The following GNAL variants were observed in gnomAD, a reference collection of about 807,000 sequenced individuals.
The protein encoded by GNAL is G protein subunit alpha L, also known as guanine nucleotide-binding protein G(olf) subunit alpha.
In GNAL, 18 loss-of-function variants were observed where a neutral mutation model predicts 55.1. That is an observed-to-expected ratio of 0.33 (90% CI 0.23 to 0.48). The LOEUF is 0.48. Among genes scored for constraint, GNAL ranks in the 20% least tolerant of loss-of-function variants. GNAL has a pLI of 0.99. For missense variants in GNAL, 412 were observed against 614.1 expected (o/e 0.67, Z 3.48); for synonymous variants, 253 against 237.0 (o/e 1.07, Z -0.62).
chr18:11,865,490 C>T (rs538687121), intron 7 of GNAL, among the ~76,000 whole-genome samples: 3 of 148,812 alleles, frequency 2.0e-5, no homozygotes, highest in Non-Finnish European at 1.5e-5. Context: ...TGATTCACGC[C>T]TGTAATCTCA....
Position 11,689,525 on chromosome 18 carries a change from C to A in GNAL, c.-39C>A. On this transcript the variant is annotated 5_prime_UTR_variant, in exon 1 of 12. Transcript: ENST00000334049. ...CAGGCCGCCCTCGGCGCCCAGCCTG[C>A]CCTAGTCCCGCGCGCCGCCCCCGCT... 1.9e-6 allele frequency: 2 copies of A among 1,067,054 alleles called. No homozygotes were observed. The highest frequency in any genetic ancestry group is 3.8e-5 in the South Asian group (1 of 25,984). The allele number at this position is 1,067,054 out of a possible 1,614,324, so 66.1% of individuals were successfully genotyped here.
At chr18:11,729,636 G>C (rs1337350886) in intron 1 of GNAL, among the ~76,000 whole-genome samples, 3 of 152,062 alleles carry the variant, frequency 2.0e-5, no homozygotes, top group Admixed American at 2.0e-4. Flanking sequence ...TATATATTCT[G>C]TGCGAGCCAT....
intron 9 of GNAL, among the ~76,000 whole-genome samples, chr18:11,870,273 C>A (rs2036366350): frequency 6.6e-6 from 1 of 152,208 alleles, no homozygotes; most frequent in African/African-American, 2.4e-5. Context: ...GTAATCCCAG[C>A]ACTTTGGGAG....
chr18:11,809,396 T>C (rs2034751745), intron 4 of GNAL, among the ~76,000 whole-genome samples: 3 of 152,106 alleles, frequency 2.0e-5, no homozygotes. Flanking sequence ...ACTCTACAAA[T>C]ATTCTAGAGA....
At position 11,751,298 on chromosome 18, in the gene GNAL, G is replaced by A. The variant is rs189459941; in HGVS notation, c.377-1555G>A. ...CCCTATTGGAGGGGTCTCAGTAACG[G>A]AGGGCAGGTGCCAGTCTCGCGCCCT... is the stretch of plus-strand genomic sequence containing the variant. On this transcript the variant is annotated intron_variant, in intron 1 of 11. Transcript: ENST00000334049. The surrounding 1 kb of genome is among the most constrained non-coding windows in gnomAD (Gnocchi z 4.5). Among the ~76,000 whole-genome samples the A allele has an allele frequency of 2.1e-3, 321 of 152,276 alleles. No individual in the cohort carries two copies. Among genetic ancestry groups the A allele is most frequent in the Admixed American group, 5.4e-3 (83 of 15,288 alleles).
rs370796639 is a variant in GNAL, at chr18:11,868,562, C to T, written c.930C>T (p.Tyr310=). 5.6e-6 allele frequency: 9 copies of T among 1,610,172 alleles called. No individual in the cohort carries two copies. Among genetic ancestry groups the T allele is most frequent in the East Asian group, 2.2e-5 (1 of 44,708 alleles). The change falls in exon 9 of 12, where the codon TAC becomes TAT. Residue 310 remains tyrosine, a synonymous_variant. Coordinates refer to ENST00000334049, the MANE Select transcript of GNAL (RefSeq NM_182978.4). This position sits in a 1 kb window ranked among gnomAD's most constrained non-coding sequence, Gnocchi z 4.0. ...QCFNDVTAII[Y]VAACSSYNMV... ...ACCAAGATGTCACAGCTATCATTTA[C>T]GTCGCAGCCTGCAGTAGCTACAACA...
chr18:11,711,214 C>A (rs2031831181), intron 1 of GNAL, among the ~76,000 whole-genome samples: 1 of 152,176 alleles, frequency 6.6e-6, no homozygotes, highest in Non-Finnish European at 1.5e-5. Flanking sequence ...GTTCGTGATT[C>A]ATTGAGCTTC....
chr18:11,865,758 A>AG (rs1437048816), intron 7 of GNAL, among the ~76,000 whole-genome samples: 1 of 144,144 alleles, frequency 6.9e-6, no homozygotes, highest in African/African-American at 2.7e-5. Context: ...CTGTCTCTAA[A>AG]AAAAAAAAAA....
rs186095453 is a variant in GNAL at position 11,877,324 on chromosome 18, A to G, written c.1230+636A>G. Among the ~76,000 whole-genome samples the G allele has an allele frequency of 3.4e-3, 511 of 151,522 alleles. 1 individual carries two copies. The highest frequency in any genetic ancestry group is 6.8e-3 in the Middle Eastern group (2 of 294). On this transcript the variant is annotated intron_variant, in intron 11 of 11. Transcript: ENST00000334049. ...CAAAAAATTAGCTGGGTGTGGTGGC[A>G]TGCGCCTGTAATCCCAGCTACTCTG...
intron 7 of GNAL, among the ~76,000 whole-genome samples, chr18:11,866,913 G>A (rs1043679575): frequency 6.6e-6 from 1 of 152,042 alleles, no homozygotes; most frequent in Non-Finnish European, 1.5e-5. Flanking sequence ...AGACACTGCC[G>A]GCTGCTGTCT....
chr18:11,783,201 G>A (rs994825192), intron 4 of GNAL, among the ~76,000 whole-genome samples: 1 of 152,176 alleles, frequency 6.6e-6, no homozygotes, highest in Non-Finnish European at 1.5e-5. Flanking sequence ...TTCAACAGAA[G>A]TGAGTGTGAA....
chr18:11,808,490 T>C (rs958713895), intron 4 of GNAL, among the ~76,000 whole-genome samples: 2 of 152,252 alleles, frequency 1.3e-5, no homozygotes, highest in Non-Finnish European at 2.9e-5. Flanking sequence ...TCTGCCATGC[T>C]ACCCACCTGG....
intron 5 of GNAL, chr18:11,853,238 A>G (rs866230354): frequency 2.4e-5 from 4 of 167,154 alleles, no homozygotes; most frequent in African/African-American, 9.6e-5. Context: ...GTATACATCC[A>G]GCCAGCTGGA....
intron 4 of GNAL, among the ~76,000 whole-genome samples, chr18:11,821,871 G>A (rs1224698857): frequency 6.6e-6 from 1 of 152,222 alleles, no homozygotes; most frequent in East Asian, 1.9e-4. Context: ...AGGGCCTCCC[G>A]CCTCCCTGCA....
chr18:11,751,631 G>A lies in GNAL; in HGVS notation c.377-1222G>A. On this transcript the variant is annotated intron_variant, in intron 1 of 11. Transcript: ENST00000334049. The surrounding 1 kb of genome is among the most constrained non-coding windows in gnomAD (Gnocchi z 4.5). ...GCGCGCGCCCAGACGCACTTTCCCG[G>A]CTCGGGGTGCAAGAGAGCCAGGCGG... is the stretch of plus-strand genomic sequence containing the variant. The A allele has an allele frequency of 3.0e-6, 3 of 985,446 alleles. No individual in the cohort carries two copies. Among genetic ancestry groups the A allele is most frequent in the Non-Finnish European group, 3.6e-6 (3 of 829,984 alleles). The allele number at this position is 985,446 out of a possible 1,614,324, so 61.0% of individuals were successfully genotyped here. A position where few individuals can be genotyped will look rare whatever the true frequency, so the allele number is the denominator to read the frequency against.
intron 10 of GNAL, among the ~76,000 whole-genome samples, chr18:11,875,810 T>TTTATGAACAAC (rs1398284882): frequency 6.6e-6 from 1 of 152,192 alleles, no homozygotes; most frequent in East Asian, 1.9e-4. Flanking sequence ...AGCTGGATAA[T>TTTATGAACAAC]TTATGAACAA....
At chr18:11,851,235 G>C (rs1379112262) in intron 5 of GNAL, among the ~76,000 whole-genome samples, 2 of 152,222 alleles carry the variant, frequency 1.3e-5, no homozygotes, top group Admixed American at 6.5e-5. Flanking sequence ...CGCAGGAAGC[G>C]AGCGTTCCCC....
At chr18:11,857,813 G>A (rs1398527107) in intron 5 of GNAL, 7 of 794,352 alleles carry the variant, frequency 8.8e-6, no homozygotes, top group African/African-American at 5.6e-5. Context: ...CCACCAGTAC[G>A]AACTCCTGGG....
intron 1 of GNAL, among the ~76,000 whole-genome samples, chr18:11,739,753 A>C (rs1240322864): frequency 6.6e-6 from 1 of 150,874 alleles, no homozygotes; most frequent in Non-Finnish European, 1.5e-5. Context: ...CCGGGGTCTC[A>C]CCTGTGGAAA....
Sources: allele counts gnomAD v4.1 joint callset (sites outside exome capture counted in the v4.1 genomes callset), GRCh38; gene constraint gnomAD v4.1.1; non-coding constraint Gnocchi (gnomAD v3.1); transcripts MANE v1.5; gene names NCBI Gene and HGNC (gene_info 2026-07-23, HGNC 2026-07-21).